Variants in KLC2 observed in about 807,000 individuals in gnomAD.
The protein encoded by KLC2 is kinesin light chain 2.
A neutral mutation model predicts 75.1 loss-of-function variants in KLC2; 35 were observed. That is an observed-to-expected ratio of 0.47 (90% CI 0.36 to 0.62). The LOEUF (loss-of-function observed/expected upper bound fraction) is 0.62. Ranked by LOEUF, KLC2 falls within the 20% of genes least tolerant of loss-of-function variation. KLC2 has a pLI of 0.00. For synonymous variants in KLC2, 314 were observed against 336.7 expected, an observed-to-expected ratio of 0.93 and a Z score of 0.74; for missense variants, 611 against 833.2, an observed-to-expected ratio of 0.73 and a Z score of 3.28.
intron 15 of KLC2, 182 bp downstream of exon 15, chr11:66,266,672 T>C (rs952426390): frequency 1.2e-6 from 1 of 849,544 alleles, no homozygotes; most frequent in Non-Finnish European, 2.0e-6. Flanking sequence ...GGTGGACGTG[T>C]AAACGGCCAG....
the KLC2 span, among the ~76,000 whole-genome samples, chr11:66,245,544 C>T: frequency 2.0e-5 from 3 of 152,038 alleles, no homozygotes; most frequent in South Asian, 2.1e-4. Flanking sequence ...GGTGAAACCC[C>T]GTCCCTACTA....
chr11:66,267,825 G>T lies in KLC2; in HGVS notation c.*869G>T. ...TGAGGCGGCTGCTCTCATATTTTCA[G>T]ATGTTGCTGTAGAAATAAAGACGGT... On this transcript the variant is annotated 3_prime_UTR_variant, in exon 16 of 16. Coordinates refer to ENST00000394067, the MANE Select transcript of KLC2 (RefSeq NM_001318734.2). 1 of 442,542 alleles carries T rather than the reference G, an allele frequency of 2.3e-6. No individual in the cohort carries two copies. The highest frequency in any genetic ancestry group is 3.5e-5 in the East Asian group (1 of 28,900). The allele number at this position is 442,542 out of a possible 1,614,324, so 27.4% of individuals were successfully genotyped here. A position where few individuals can be genotyped will look rare whatever the true frequency, so the allele number is the denominator to read the frequency against.
At chr11:66,263,516 G>A (rs1014960694) in intron 5 of KLC2, 144 bp from the exon 6 acceptor site, 2 of 620,800 alleles carry the variant, frequency 3.2e-6, no homozygotes, top group African/African-American at 3.7e-5. Context: ...TTGGAGAGCA[G>A]GAGCTGAGCA....
the KLC2 span, among the ~76,000 whole-genome samples, chr11:66,249,709 A>G: frequency 6.6e-6 from 1 of 151,842 alleles, no homozygotes; most frequent in African/African-American, 2.4e-5. Flanking sequence ...CGACCTGAAC[A>G]CTCACAGTCA....
At chr11:66,262,283 T>G in intron 4 of KLC2, 91 bp downstream of exon 4, 1 of 962,266 alleles carries the variant, frequency 1.0e-6, no homozygotes, top group Non-Finnish European at 1.7e-6. Context: ...CCTTCCTGCC[T>G]CACTTCTGAT....
At chr11:66,262,698 G>A (rs1565171472) in intron 4 of KLC2, 116 bp from the exon 5 acceptor site, 1 of 722,106 alleles carries the variant, frequency 1.4e-6, no homozygotes. Context: ...CTGAGAAAGA[G>A]TGGTTAGTGA....
intron 2 of KLC2, chr11:66,260,911 T>G (rs1856356539): frequency 6.6e-6 from 1 of 152,082 alleles, no homozygotes; most frequent in South Asian, 2.1e-4. Flanking sequence ...TTTTTTAAAT[T>G]AGCCAGCTGT....
At chr11:66,248,761 C>T in the KLC2 span, among the ~76,000 whole-genome samples, 1 of 152,128 alleles carries the variant, frequency 6.6e-6, no homozygotes, top group East Asian at 1.9e-4. Flanking sequence ...GAGACCAGGT[C>T]TTGCTCTGTT....
chr11:66,250,917 C>G, the KLC2 span, among the ~76,000 whole-genome samples: 1 of 152,140 alleles, frequency 6.6e-6, no homozygotes. Context: ...CCACTGTGAG[C>G]CAGAGCAAGG....
chr11:66,253,731 G>A (rs1433819693), upstream of KLC2, among the ~76,000 whole-genome samples: 2 of 152,210 alleles, frequency 1.3e-5, no homozygotes, highest in East Asian at 1.9e-4. Flanking sequence ...TGAAAGGGCC[G>A]AACACATGCG....
the KLC2 span, among the ~76,000 whole-genome samples, chr11:66,247,514 G>A: frequency 3.3e-5 from 5 of 152,230 alleles, no homozygotes; most frequent in South Asian, 2.1e-4. Flanking sequence ...GCCTTTGCAC[G>A]GACCTTTGGT....
the KLC2 span, among the ~76,000 whole-genome samples, chr11:66,247,069 T>A: frequency 6.6e-6 from 1 of 152,138 alleles, no homozygotes; most frequent in Non-Finnish European, 1.5e-5. Flanking sequence ...TCCTAGTAAA[T>A]GCAAACTCGG....
the KLC2 span, among the ~76,000 whole-genome samples, chr11:66,249,803 T>TA: frequency 6.6e-6 from 1 of 152,148 alleles, no homozygotes; most frequent in Non-Finnish European, 1.5e-5. Flanking sequence ...TCCATCCTGT[T>TA]ACTCCAGCCA....
Position 66,265,974 on chromosome 11 carries a change from G to A in KLC2, c.1564G>A (p.Asp522Asn). 6.2e-7 allele frequency: 1 copy of A among 1,609,794 alleles called. No homozygotes were observed. Among genetic ancestry groups the A allele is most frequent in the South Asian group, 1.1e-5 (1 of 90,794 alleles). The change falls in exon 13 of 16, where the codon GAC becomes AAC. Residue 522 changes from aspartate to asparagine, a missense_variant. By Grantham distance (23) the Asp-to-Asn change is conservative. Transcript: ENST00000394067. Reference protein sequence around the residue: ...AGGAGPRSESDLEDVGPTAEW... With the variant: ...AGGAGPRSESNLEDVGPTAEW... Reference sequence around the variant, plus strand: ...GGGTGCCGGGCCTCGGTCTGAGTCTGACCTCGAGGACGTGGGACCTACAGC... The same window carrying A: ...GGGTGCCGGGCCTCGGTCTGAGTCTAACCTCGAGGACGTGGGACCTACAGC...
At chr11:66,258,214 C>A in intron 1 of KLC2, 1 of 208,376 alleles carries the variant, frequency 4.8e-6, no homozygotes, top group South Asian at 8.3e-5. Context: ...ATGGGGCTGT[C>A]CGAGGGGCTG....
the KLC2 span, chr11:66,244,175 G>A: frequency 6.6e-6 from 1 of 152,176 alleles, no homozygotes; most frequent in South Asian, 2.1e-4. Context: ...GACTTGGAGA[G>A]ATGGGAGGCA....
intron 5 of KLC2, 37 bp downstream of exon 5, chr11:66,263,073 A>ATTCTTCT: frequency 6.6e-7 from 1 of 1,507,356 alleles, no homozygotes; most frequent in Non-Finnish European, 9.2e-7. Context: ...TTCTTCTGGA[A>ATTCTTCT]GGCTCCAGCC....
chr11:66,255,388 C>T (rs1478714940), upstream of KLC2, among the ~76,000 whole-genome samples: 1 of 152,214 alleles, frequency 6.6e-6, no homozygotes, highest in Non-Finnish European at 1.5e-5. Flanking sequence ...GGGGTTTCAC[C>T]ATGTTGCCCA....
chr11:66,265,069 CAAG>C lies in KLC2; in HGVS notation c.1264_1266del (p.Lys422del). ...TGCACGCAGAGGAGCGGGAGGAAAG[CAAG>C]GTAGCTCTGTGGGGCAGGCTGGGCG... On this transcript the variant is annotated inframe_deletion and splice_region_variant, in exon 10 of 16. Coordinates refer to ENST00000394067, the MANE Select transcript of KLC2 (RefSeq NM_001318734.2). The C allele has an allele frequency of 6.2e-7, 1 of 1,612,012 alleles. No homozygotes were observed. Among genetic ancestry groups the C allele is most frequent in the Non-Finnish European group, 8.5e-7 (1 of 1,178,480 alleles).
Sources: allele counts gnomAD v4.1 joint callset (sites outside exome capture counted in the v4.1 genomes callset), GRCh38; gene constraint gnomAD v4.1.1; transcripts MANE v1.5; gene names NCBI Gene and HGNC (gene_info 2026-07-23, HGNC 2026-07-21).